Variants in PLIN2 observed in about 807,000 individuals in gnomAD.
PLIN2 encodes the protein perilipin 2, also known as perilipin-2.
In PLIN2, 33 loss-of-function variants were observed where a neutral mutation model predicts 30.6. That is an observed-to-expected ratio of 1.08 (90% CI 0.82 to 1.44). The LOEUF (loss-of-function observed/expected upper bound fraction) is 1.44, where lower values mean the gene tolerates loss of function less well. Ranked by LOEUF, PLIN2 falls within the 40% of genes most tolerant of loss-of-function variation. The pLI is 0.00. For missense variants in PLIN2, 610 were observed against 531.8 expected, an observed-to-expected ratio of 1.15 and a Z score of -1.45; for synonymous variants, 205 against 201.1, an observed-to-expected ratio of 1.02 and a Z score of -0.16.
intron 7 of PLIN2, 129 bp from the exon 8 acceptor site, chr9:19,116,778 TGCCGAGTGCA>T (rs2131177001): frequency 1.4e-6 from 1 of 692,728 alleles, no homozygotes; most frequent in Non-Finnish European, 2.4e-6. Flanking sequence ...CTCATTACAA[TGCCGAGTGCA>T]GCAGTATTAT....
At chr9:19,126,757 C>T (rs1818407256) in intron 1 of PLIN2, among the ~76,000 whole-genome samples, 1 of 152,230 alleles carries the variant, frequency 6.6e-6, no homozygotes, top group East Asian at 1.9e-4. Context: ...AAAATGCTAG[C>T]CAAGCCGGAC....
chr9:19,123,567 G>A lies in PLIN2; in HGVS notation c.307C>T (p.Gln103Ter). 1 of 1,614,210 alleles carries A rather than the reference G, an allele frequency of 6.2e-7. No individual in the cohort carries two copies. The highest frequency in any genetic ancestry group is 8.5e-7 in the Non-Finnish European group (1 of 1,180,028). Residue 103 changes from glutamine (Q) to a stop codon, truncating the protein, a stop_gained and splice_region_variant, in exon 4 of 8, where the codon CAG becomes TAG. Transcript: ENST00000276914. LOFTEE classifies it high-confidence loss of function. ...CAGCACTTTTGTCCCAAGCTCACCT[G>A]AGTTGATGGCTGATTCAGAATAGGC... ...RLPILNQPST[Q>*]IVANAKGAVT...
At chr9:19,125,563 G>C (rs1818382751) in intron 3 of PLIN2, 1 of 152,754 alleles carries the variant, frequency 6.5e-6, no homozygotes, top group Non-Finnish European at 1.5e-5. Context: ...TAGGATTACA[G>C]GTGCAGGCCA....
Position 19,119,650 on chromosome 9 carries a change from C to T in PLIN2, c.777G>A (p.Leu259=). Reference sequence around the variant, plus strand: ...CACCTTAAAATAAAGTTTTACTCACCAGGTGAACAGTAGAATGGAGCTGAG... The same window carrying T: ...CACCTTAAAATAAAGTTTTACTCACTAGGTGAACAGTAGAATGGAGCTGAG... ...TISQLHSTVH[L]IEFARKNVYS... is the part of the protein sequence containing the mutation. Residue 259 remains leucine, a splice_region_variant and synonymous_variant, in exon 6 of 8, where the codon CTG becomes CTA. Coordinates refer to ENST00000276914, the MANE Select transcript of PLIN2 (RefSeq NM_001122.4). 1 of 1,559,502 alleles carries T rather than the reference C, an allele frequency of 6.4e-7. No individual in the cohort carries two copies. The highest frequency in any genetic ancestry group is 8.7e-7 in the Non-Finnish European group (1 of 1,147,650).
At chr9:19,121,266 G>A in intron 4 of PLIN2, 101 bp from the exon 5 acceptor site, 1 of 1,022,898 alleles carries the variant, frequency 9.8e-7, no homozygotes, top group Non-Finnish European at 1.4e-6. Flanking sequence ...GTTAAAGAAG[G>A]AATCTAGTCC....
chr9:19,121,336 T>C (rs1818312058), intron 4 of PLIN2, among the ~76,000 whole-genome samples, 171 bp from the exon 5 acceptor site: 1 of 152,130 alleles, frequency 6.6e-6, no homozygotes, highest in South Asian at 2.1e-4. Flanking sequence ...TGAATTTCCC[T>C]ATCAAGTATA....
intron 5 of PLIN2, among the ~76,000 whole-genome samples, chr9:19,120,372 G>A (rs538419232): frequency 6.6e-6 from 1 of 152,240 alleles, no homozygotes; most frequent in South Asian, 2.1e-4. Flanking sequence ...AACTTGAGCG[G>A]CATGGTACCT....
chr9:19,109,731 G>C (rs1490372263), intron 2 of PLIN2, among the ~76,000 whole-genome samples: 1 of 151,926 alleles, frequency 6.6e-6, no homozygotes, highest in Non-Finnish European at 1.5e-5. Flanking sequence ...ACTTTGGCAG[G>C]TGGATCATGA....
At chr9:19,112,880 G>A (rs1461958613), downstream of PLIN2, among the ~76,000 whole-genome samples, 1 of 151,934 alleles carries the variant, frequency 6.6e-6, no homozygotes, top group African/African-American at 2.4e-5. Flanking sequence ...AGCTAAGGAT[G>A]TTCTACATTT....
chr9:19,121,255 A>T, intron 4 of PLIN2, 90 bp from the exon 5 acceptor site: 1 of 1,152,256 alleles, frequency 8.7e-7, no homozygotes, highest in Non-Finnish European at 1.2e-6. Context: ...ACAGCTGAAG[A>T]GTTAAAGAAG....
chr9:19,126,682 A>G (rs1021174294), intron 1 of PLIN2, among the ~76,000 whole-genome samples: 6 of 152,204 alleles, frequency 3.9e-5, no homozygotes, highest in Admixed American at 3.9e-4. Context: ...TAAACTTGCA[A>G]TACTCAGGAG....
intron 4 of PLIN2, among the ~76,000 whole-genome samples, chr9:19,122,233 T>A (rs1461527865): frequency 5.9e-5 from 9 of 151,932 alleles, no homozygotes; most frequent in Admixed American, 5.9e-4. Flanking sequence ...ATTTAAAAGA[T>A]TTGCACAAGC....
At chr9:19,123,847 C>A (rs936265904) in intron 3 of PLIN2, among the ~76,000 whole-genome samples, 200 bp from the exon 4 acceptor site, 13 of 151,896 alleles carry the variant, frequency 8.6e-5, no homozygotes, top group South Asian at 4.1e-4. Flanking sequence ...GGTGAAACCC[C>A]GTCTCTACTA....
intron 5 of PLIN2, among the ~76,000 whole-genome samples, chr9:19,120,055 A>G (rs1036969383): frequency 6.6e-6 from 1 of 151,598 alleles, no homozygotes; most frequent in African/African-American, 2.4e-5. Flanking sequence ...CTCCCACTAG[A>G]GTAAACTGCT....
chr9:19,120,955 T>C lies in PLIN2; in HGVS notation c.520A>G (p.Ser174Gly), dbSNP rs1818304502. Reference sequence around the variant, plus strand: ...TTGGTGAGTGCATTTTCTACGCCACTGCTCACGAGCTGCATCATCCGACTC... The same window carrying C: ...TTGGTGAGTGCATTTTCTACGCCACCGCTCACGAGCTGCATCATCCGACTC... ...LGSRMMQLVSSGVENALTKSE... is the reference protein window; with the variant it reads ...LGSRMMQLVSGGVENALTKSE... The change falls in exon 5 of 8, where the codon AGT (serine) becomes GGT (glycine). Residue 174 changes from serine (S) to glycine (G), a missense_variant. Ser to Gly is a moderately conservative substitution (Grantham distance 56). Transcript: ENST00000276914. 6.2e-7 allele frequency: 1 copy of C among 1,614,094 alleles called. No individual in the cohort carries two copies. The highest frequency in any genetic ancestry group is 1.1e-5 in the South Asian group (1 of 91,088).
intron 4 of PLIN2, 38 bp from the exon 5 acceptor site, chr9:19,121,203 A>G (rs777866754): frequency 1.9e-6 from 3 of 1,592,686 alleles, no homozygotes; most frequent in Admixed American, 1.7e-5. Flanking sequence ...CTGGTGAGAA[A>G]AATGAGCACA....
chr9:19,116,555 G>T lies in PLIN2; in HGVS notation c.1007C>A (p.Pro336Gln). 6.2e-7 allele frequency: 1 copy of T among 1,614,122 alleles called. No homozygotes were observed. The highest frequency in any genetic ancestry group is 8.5e-7 in the Non-Finnish European group (1 of 1,180,024). The change falls in exon 8 of 8, where the codon CCA becomes CAA. Residue 336 changes from proline (P) to glutamine (Q), a missense_variant. By Grantham distance (76) the Pro-to-Gln change is moderately conservative. Coordinates refer to ENST00000276914, the MANE Select transcript of PLIN2 (RefSeq NM_001122.4). ...HTLLSNIQGV[P>Q]QNIQDQAKHM... ...CTTGGCTTGATCTTGGATGTTCTGT[G>T]GTACACCTTGGATGTTGGACAGGAG...
In PLIN2 at chr9:19,121,031, A is replaced by G. The variant is rs1363026377; in HGVS notation, c.444T>C (p.Ser148=). 2.5e-6 allele frequency: 4 copies of G among 1,614,078 alleles called. 1 individual carries two copies. The highest frequency in any genetic ancestry group is 2.2e-5 in the South Asian group (2 of 91,082). The change falls in exon 5 of 8, where the codon AGT becomes AGC. Residue 148 remains serine (S), a synonymous_variant. Transcript: ENST00000276914. ...MDKTKGAVTG[S]VEKTKSVVSG... ...TGACCACAGACTTGGTCTTCTCCAC[A>G]CTGCCAGTCACTGCCCCTTTGGTCT...
downstream of PLIN2, among the ~76,000 whole-genome samples, chr9:19,111,284 A>G (rs1056214678): frequency 6.6e-6 from 1 of 152,008 alleles, no homozygotes; most frequent in Non-Finnish European, 1.5e-5. Flanking sequence ...CCTGGCCTCA[A>G]GTGATCTGCC....
Sources: allele counts gnomAD v4.1 joint callset (sites outside exome capture counted in the v4.1 genomes callset), GRCh38; gene constraint gnomAD v4.1.1; transcripts MANE v1.5; gene names NCBI Gene and HGNC (gene_info 2026-07-23, HGNC 2026-07-21).